Variants in CCS observed in about 807,000 individuals in gnomAD.
CCS encodes the protein superoxide dismutase copper chaperone.
In CCS, 32 loss-of-function variants were observed where a neutral mutation model predicts 35.5. The observed-to-expected ratio is 0.90, with a 90% CI of 0.68 to 1.21. The LOEUF is 1.21. Among genes scored for constraint, CCS ranks in the 50% most tolerant of loss-of-function variants. The probability of loss-of-function intolerance (pLI) is 0.00; values close to 1 mark genes in which losing one functional copy is unlikely to be tolerated. For missense variants in CCS, 342 were observed against 375.4 expected, an observed-to-expected ratio of 0.91 and a Z score of 0.73; for synonymous variants, 130 against 147.2, an observed-to-expected ratio of 0.88 and a Z score of 0.84.
chr11:66,595,523 T>C (rs1858461977), intron 2 of CCS, among the ~76,000 whole-genome samples: 1 of 152,142 alleles, frequency 6.6e-6, no homozygotes, highest in Admixed American at 6.5e-5. Flanking sequence ...GGAGGGAAGC[T>C]GTAGTTTTCT....
At chr11:66,597,553 C>T (rs1230280515) in intron 2 of CCS, among the ~76,000 whole-genome samples, 1 of 151,632 alleles carries the variant, frequency 6.6e-6, no homozygotes, top group South Asian at 2.1e-4. Flanking sequence ...GAGATTGAGA[C>T]CATCCTGGCT....
At position 66,593,246 on chromosome 11, in the gene CCS, G is replaced by A. The variant is rs1271907455; in HGVS notation, c.-16G>A. ...CCGGAGGAGTTCTGCGTCTCGGGGT[G>A]GTGACTGGGTCCAGAATGGCTTCGG... On this transcript the variant is annotated 5_prime_UTR_variant, in exon 1 of 8. Transcript: ENST00000533244. The A allele has an allele frequency of 2.6e-6, 4 of 1,560,174 alleles. No homozygotes were observed. In the East Asian group the frequency reaches 7.1e-5, roughly 28 times the overall value.
rs1387294260 is a variant in CCS at position 66,605,582 on chromosome 11, T to G, written c.661T>G (p.Ser221Ala). The change falls in exon 7 of 8, where the codon TCC (serine) becomes GCC (alanine). Residue 221 changes from serine to alanine, a missense_variant. Transcript: ENST00000533244. ...TCCCTTATCCAAGATCACAGGGAACTCCGGGGAGAGGTGAGTGGTGTCGGC... is the reference window on the plus strand; with the variant it reads ...TCCCTTATCCAAGATCACAGGGAACGCCGGGGAGAGGTGAGTGGTGTCGGC... Reference protein sequence around the residue: ...GHPLSKITGNSGERLACGIIA... With the variant: ...GHPLSKITGNAGERLACGIIA... 2.5e-6 allele frequency: 4 copies of G among 1,613,486 alleles called. No individual in the cohort carries two copies. The highest frequency in any genetic ancestry group is 3.3e-5 in the Admixed American group (2 of 59,902).
intron 2 of CCS, among the ~76,000 whole-genome samples, chr11:66,596,449 G>C (rs564591981): frequency 1.9e-4 from 29 of 148,848 alleles, no homozygotes; most frequent in African/African-American, 7.2e-4. Flanking sequence ...GCGCAATCTC[G>C]GCTCACTGCA....
At chr11:66,599,406 A>C in intron 3 of CCS, 53 bp from the exon 4 acceptor site, 1 of 1,505,964 alleles carries the variant, frequency 6.6e-7, no homozygotes, top group Non-Finnish European at 8.9e-7. Context: ...GAGCTGCTGA[A>C]GAGGTGTGCT....
Position 66,599,220 on chromosome 11 carries a change from GC to G in CCS, c.218del (p.Ala73GlyfsTer36). The G allele has an allele frequency of 6.2e-7, 1 of 1,612,600 alleles. No homozygotes were observed. The highest frequency in any genetic ancestry group is 8.5e-7 in the Non-Finnish European group (1 of 1,179,406). On this transcript the variant is annotated frameshift_variant, in exon 3 of 8. Transcript: ENST00000533244. LOFTEE classifies it high-confidence loss of function. ...TCTCCTGGAAGGCACGGGGCGGCAG[GC>G]GGTACTCAAGGGCATGGGCAGCGGC... ...QALLEGTGRQ[A>X]VLKGMGSGQL...
chr11:66,604,501 G>A (rs529843055), intron 5 of CCS, among the ~76,000 whole-genome samples: 1 of 152,316 alleles, frequency 6.6e-6, no homozygotes, highest in East Asian at 1.9e-4. Context: ...TGCCCAAAAT[G>A]TCAGGTTGGG....
chr11:66,605,083 C>G, intron 5 of CCS: 2 of 1,445,702 alleles, frequency 1.4e-6, no homozygotes, highest in Non-Finnish European at 1.8e-6. Context: ...TGTCATCCTG[C>G]CCAGGATTTC....
intron 5 of CCS, among the ~76,000 whole-genome samples, chr11:66,602,840 GGAGCTGAC>G (rs1227749872): frequency 6.6e-6 from 1 of 152,252 alleles, no homozygotes; most frequent in Admixed American, 6.5e-5. Flanking sequence ...GAACTGAGCA[GGAGCTGAC>G]CAGCCAAGGC....
rs375517423 is a variant in CCS, at chr11:66,599,095, C to T, written c.113-21C>T. The T allele has an allele frequency of 3.1e-6, 5 of 1,613,974 alleles. No individual in the cohort carries two copies. In the African/African-American group the frequency reaches 4.0e-5, roughly 13 times the overall value. On this transcript the variant is annotated intron_variant, in intron 2 of 7. Transcript: ENST00000533244. Reference sequence around the variant, plus strand: ...ACTGGGTGCCAGCCTCTGTTGCCCTCTTCCCTCTCTTTCTTGCCAGGTGTC... The same window carrying T: ...ACTGGGTGCCAGCCTCTGTTGCCCTTTTCCCTCTCTTTCTTGCCAGGTGTC...
At chr11:66,603,553 A>T (rs1173442643) in intron 5 of CCS, among the ~76,000 whole-genome samples, 6 of 151,058 alleles carry the variant, frequency 4.0e-5, no homozygotes, top group Admixed American at 6.6e-5. Flanking sequence ...TCTATTAAAA[A>T]TACAAAAGTT....
rs377383808 is a variant in CCS, at chr11:66,605,578, G to C, written c.657G>C (p.Gly219=). The change falls in exon 7 of 8, where the codon GGG becomes GGC. Residue 219 remains glycine, a synonymous_variant. Coordinates refer to ENST00000533244, the MANE Select transcript of CCS (RefSeq NM_005125.2). ...RGGHPLSKIT[G]NSGERLACGI... is the part of the protein sequence containing the mutation. ...GCCATCCCTTATCCAAGATCACAGG[G>C]AACTCCGGGGAGAGGTGAGTGGTGT... 2.7e-5 allele frequency: 43 copies of C among 1,613,696 alleles called. No individual in the cohort carries two copies. The highest frequency in any genetic ancestry group is 3.6e-5 in the Non-Finnish European group (43 of 1,179,828).
chr11:66,593,687 G>A lies in CCS; in HGVS notation c.85G>A (p.Val29Met). The change falls in exon 2 of 8, where the codon GTG becomes ATG. Residue 29 changes from valine (V) to methionine (M), a missense_variant. Coordinates refer to ENST00000533244, the MANE Select transcript of CCS (RefSeq NM_005125.2). ...GACCTGTCAGAGCTGTGTGGACGCG[G>A]TGCGCAAATCCCTGCAAGGGGTGGC... is the stretch of plus-strand genomic sequence containing the variant. ...QMTCQSCVDA[V>M]RKSLQGVAGV... 6.2e-7 allele frequency: 1 copy of A among 1,614,200 alleles called. No homozygotes were observed. Among genetic ancestry groups the A allele is most frequent in the South Asian group, 1.1e-5 (1 of 91,078 alleles).
chr11:66,605,899 A>G lies in CCS; in HGVS notation c.*44A>G. ...TCTGTTGCTGTCCTCCAGGGCGAGC[A>G]CTTTCCACTTCCAGAGGGGGCCAGA... is the stretch of plus-strand genomic sequence containing the variant. On this transcript the variant is annotated 3_prime_UTR_variant, in exon 8 of 8. Coordinates refer to ENST00000533244, the MANE Select transcript of CCS (RefSeq NM_005125.2). 1 of 1,461,832 alleles carries G rather than the reference A, an allele frequency of 6.8e-7. No homozygotes were observed. Among genetic ancestry groups the G allele is most frequent in the Non-Finnish European group, 9.0e-7 (1 of 1,108,438 alleles). 90.6% of individuals were successfully genotyped at this position (1,461,832 alleles called of 1,614,324 possible).
intron 5 of CCS, among the ~76,000 whole-genome samples, chr11:66,601,974 T>G (rs1858579654): frequency 6.6e-6 from 1 of 152,074 alleles, no homozygotes; most frequent in Non-Finnish European, 1.5e-5. Flanking sequence ...CCTCAAGTGA[T>G]CCGCCTGCCT....
rs967951335 is a variant in CCS at position 66,593,698 on chromosome 11, C to T, written c.96C>T (p.Ser32=). 8 of 1,613,922 alleles carry T rather than the reference C, an allele frequency of 5.0e-6. No individual in the cohort carries two copies. The highest frequency in any genetic ancestry group is 6.8e-6 in the Non-Finnish European group (8 of 1,180,012). ...CQSCVDAVRK[S]LQGVAGVQDV... is the part of the protein sequence containing the mutation. ...GCTGTGTGGACGCGGTGCGCAAATC[C>T]CTGCAAGGGGTGGCAGGTAAGAACA... The change falls in exon 2 of 8, where the codon TCC becomes TCT. Residue 32 remains serine (S), a synonymous_variant. Transcript: ENST00000533244.
intron 2 of CCS, among the ~76,000 whole-genome samples, chr11:66,598,241 C>T (rs1026506663): frequency 6.6e-6 from 1 of 152,062 alleles, no homozygotes; most frequent in East Asian, 1.9e-4. Flanking sequence ...ATGGCTCATG[C>T]CTGTAATCTC....
At chr11:66,594,791 A>AG (rs1565321781) in intron 2 of CCS, among the ~76,000 whole-genome samples, 1 of 151,904 alleles carries the variant, frequency 6.6e-6, no homozygotes, top group African/African-American at 2.4e-5. Flanking sequence ...AAAAAAAAAA[A>AG]AAACAAGTTC....
intron 2 of CCS, among the ~76,000 whole-genome samples, chr11:66,594,220 G>A (rs1010244995): frequency 1.6e-4 from 25 of 152,244 alleles, no homozygotes; most frequent in African/African-American, 4.1e-4. Context: ...TTAGCCGGGC[G>A]TGGTGGTGGG....
Sources: gnomAD v4.1 joint callset for allele counts (sites outside exome capture counted in the v4.1 genomes callset) on GRCh38, gnomAD v4.1.1 for gene constraint, MANE v1.5 for transcripts, NCBI Gene and HGNC (gene_info 2026-07-23, HGNC 2026-07-21) for gene names.